ZNF787: variants seen among roughly 807,000 people sequenced by gnomAD.
ZNF787 encodes the protein TTF-I-interacting peptide 20.
Under a neutral mutation model 16.9 loss-of-function variants are expected in ZNF787, and 7 were observed. The observed-to-expected ratio is 0.42, with a 90% CI of 0.24 to 0.78. The LOEUF (loss-of-function observed/expected upper bound fraction) is 0.78. ZNF787 is among the 30% of genes least tolerant of loss of function. The pLI is 0.30. For synonymous variants in ZNF787, 345 were observed against 270.9 expected (o/e 1.27, Z -2.69); for missense variants, 551 against 589.3 (o/e 0.94, Z 0.67).
intron 2 of ZNF787, 111 bp downstream of exon 2, chr19:56,103,028 G>T: frequency 8.0e-7 from 1 of 1,242,374 alleles, no homozygotes; most frequent in Non-Finnish European, 1.2e-6. Flanking sequence ...TGGTCCCAGG[G>T]CCCCAAGAGG....
In ZNF787 at chr19:56,088,412, C is replaced by T. The variant is rs1985430959; in HGVS notation, c.760G>A (p.Ala254Thr). 19 of 1,129,998 alleles carry T rather than the reference C, an allele frequency of 1.7e-5. No individual in the cohort carries two copies. The highest frequency in any genetic ancestry group is 2.1e-5 in the Non-Finnish European group (19 of 923,744). 70.0% of individuals were successfully genotyped at this position (1,129,998 alleles called of 1,614,324 possible). Residue 254 changes from alanine to threonine, a missense_variant, in exon 3 of 3, where the codon GCG becomes ACG. Physicochemically the swap from Ala to Thr is moderately conservative, Grantham distance 58. This residue lies in a region of ZNF787 where 392 missense variants were observed against 312.7 expected (regional missense o/e 1.25). Coordinates refer to ENST00000610935, the MANE Select transcript of ZNF787 (RefSeq NM_001002836.4). The surrounding 1 kb of genome is among the most constrained non-coding windows in gnomAD (Gnocchi z 8.6). ...IVVGAPGEGA[A>T]AAAAMAGAGA... ...GCGCCCGCCATGGCTGCCGCGGCCG[C>T]GGCCCCCTCGCCCGGCGCGCCCACC...
chr19:56,099,728 A>AAAG, intron 2 of ZNF787, among the ~76,000 whole-genome samples: 1 of 147,804 alleles, frequency 6.8e-6, no homozygotes, highest in East Asian at 2.0e-4. Context: ...AAAAAAAAGA[A>AAAG]AAGAGAGAGA....
Position 56,088,336 on chromosome 19 carries a change from G to T in ZNF787, c.836C>A (p.Pro279Gln). The T allele has an allele frequency of 1.4e-5, 17 of 1,222,844 alleles. No homozygotes were observed. Among genetic ancestry groups the T allele is most frequent in the Non-Finnish European group, 1.7e-5 (17 of 977,274 alleles). 75.7% of individuals were successfully genotyped at this position (1,222,844 alleles called of 1,614,324 possible). The change falls in exon 3 of 3, where the codon CCG becomes CAG. Residue 279 changes from proline to glutamine, a missense_variant. Pro to Gln is a moderately conservative substitution (Grantham distance 76). Coordinates refer to ENST00000610935, the MANE Select transcript of ZNF787 (RefSeq NM_001002836.4). The surrounding 1 kb of genome is among the most constrained non-coding windows in gnomAD (Gnocchi z 8.6). Reference sequence around the variant, plus strand: ...CTTCCCGCACTCCAGACACACGTACGGCTTGGGGGCCGGGGCGCGCCGCGA... The same window carrying T: ...CTTCCCGCACTCCAGACACACGTACTGCTTGGGGGCCGGGGCGCGCCGCGA... ...PRSRRAPAPK[P>Q]YVCLECGKGF...
rs1985426570 is a variant in ZNF787, at chr19:56,088,388, C to T, written c.784G>A (p.Ala262Thr). Residue 262 changes from alanine (A) to threonine (T), a missense_variant, in exon 3 of 3, where the codon GCG becomes ACG. By Grantham distance (58) the Ala-to-Thr change is moderately conservative (BLOSUM62 0). Transcript: ENST00000610935. This position sits in a 1 kb window ranked among gnomAD's most constrained non-coding sequence, Gnocchi z 8.6. Reference sequence around the variant, plus strand: ...CGGGGCCCCGCGGCCTTTGCCCCCGCGCCCGCCATGGCTGCCGCGGCCGCG... The same window carrying T: ...CGGGGCCCCGCGGCCTTTGCCCCCGTGCCCGCCATGGCTGCCGCGGCCGCG... ...GAAAAAAMAG[A>T]GAKAAGPRSR... The T allele has an allele frequency of 2.7e-6, 3 of 1,104,800 alleles. No homozygotes were observed. Among genetic ancestry groups the T allele is most frequent in the Non-Finnish European group, 3.3e-6 (3 of 907,026 alleles). 68.4% of individuals were successfully genotyped at this position (1,104,800 alleles called of 1,614,324 possible).
chr19:56,092,444 C>T (rs506986), intron 2 of ZNF787, among the ~76,000 whole-genome samples: 10,368 of 152,198 alleles, frequency 0.068, 372 homozygotes, highest in Non-Finnish European at 0.089. Flanking sequence ...CCTCCTGCCC[C>T]ACCTGCAGCA....
chr19:56,114,954 C>G (rs1272097417), intron 1 of ZNF787, among the ~76,000 whole-genome samples: 1 of 152,172 alleles, frequency 6.6e-6, no homozygotes. Context: ...TTTTCTGTGG[C>G]CACTTCGCTC....
chr19:56,108,699 G>T (rs2029895470), intron 1 of ZNF787, among the ~76,000 whole-genome samples: 2 of 152,096 alleles, frequency 1.3e-5, no homozygotes. Context: ...ACAAAGCACA[G>T]GCTTAAGACC....
At chr19:56,093,685 T>C (rs1985751236) in intron 2 of ZNF787, among the ~76,000 whole-genome samples, 6 of 152,178 alleles carry the variant, frequency 3.9e-5, no homozygotes, top group Admixed American at 3.9e-4. Flanking sequence ...GTCTGTACCC[T>C]TCCCATCTGA....
chr19:56,107,843 C>G (rs1052282860), intron 1 of ZNF787, among the ~76,000 whole-genome samples: 2 of 145,700 alleles, frequency 1.4e-5, no homozygotes, highest in Non-Finnish European at 3.0e-5. Context: ...GCGGGAGAGG[C>G]CGCTCGAAGG....
intron 1 of ZNF787, among the ~76,000 whole-genome samples, chr19:56,112,712 C>G (rs79308809): frequency 0.014 from 2,054 of 152,032 alleles, 46 homozygotes; most frequent in African/African-American, 0.048. Context: ...TTCCTTCCCC[C>G]CAAGTCATCC....
intron 1 of ZNF787, among the ~76,000 whole-genome samples, chr19:56,107,312 C>T (rs1165075404): frequency 6.6e-6 from 1 of 152,146 alleles, no homozygotes; most frequent in East Asian, 1.9e-4. Context: ...TGCCCAGTAC[C>T]ACCCACCACT....
chr19:56,088,191 C>G lies in ZNF787; in HGVS notation c.981G>C (p.Val327=). 2 of 1,542,192 alleles carry G rather than the reference C, an allele frequency of 1.3e-6. No homozygotes were observed. Among genetic ancestry groups the G allele is most frequent in the South Asian group, 1.2e-5 (1 of 85,114 alleles). Residue 327 remains valine, a synonymous_variant, in exon 3 of 3, where the codon GTG becomes GTC. Coordinates refer to ENST00000610935, the MANE Select transcript of ZNF787 (RefSeq NM_001002836.4). This position sits in a 1 kb window ranked among gnomAD's most constrained non-coding sequence, Gnocchi z 8.6. ...TGTGTCTCCGGAGCGCGGCGCCCTG[C>G]ACGAAGCCCTCCCCGCACTCCACGC... is the stretch of plus-strand genomic sequence containing the variant. ...HICVECGEGF[V]QGAALRRHKK... is the part of the protein sequence containing the mutation.
At chr19:56,096,228 T>TAAAAAAATAAAAAAAATAAAAAAATA (rs1390300356) in intron 2 of ZNF787, among the ~76,000 whole-genome samples, 1 of 14,500 alleles carries the variant, frequency 6.9e-5, no homozygotes, top group East Asian at 6.3e-4. Context: ...ACCCCGTCTC[T>TAAAAAAATAAAAAAAATAAAAAAATA]AAAAAAATAA....
rs1322854366 is a variant in ZNF787, at chr19:56,088,604, G to A, written c.568C>T (p.Pro190Ser). ...CPRCGRGFSQPKSLARHLRLH... is the reference protein window; with the variant it reads ...CPRCGRGFSQSKSLARHLRLH... ...CGCAGGTGACGCGCGAGGCTCTTGG[G>A]CTGGCTGAAGCCGCGGCCGCAGCGC... Residue 190 changes from proline to serine, a missense_variant, in exon 3 of 3, where the codon CCC becomes TCC. Coordinates refer to ENST00000610935, the MANE Select transcript of ZNF787 (RefSeq NM_001002836.4). This position sits in a 1 kb window ranked among gnomAD's most constrained non-coding sequence, Gnocchi z 8.6. The A allele has an allele frequency of 2.0e-5, 31 of 1,518,598 alleles. No individual in the cohort carries two copies. The highest frequency in any genetic ancestry group is 2.7e-5 in the Non-Finnish European group (31 of 1,140,168). 94.1% of individuals were successfully genotyped at this position (1,518,598 alleles called of 1,614,324 possible).
chr19:56,107,841 G>C (rs2029878134), intron 1 of ZNF787, among the ~76,000 whole-genome samples: 1 of 150,190 alleles, frequency 6.7e-6, no homozygotes, highest in African/African-American at 2.5e-5. Context: ...CTGCGGGAGA[G>C]GCCGCTCGAA....
chr19:56,088,119 T>C lies in ZNF787; in HGVS notation c.1053A>G (p.Gly351=). The C allele has an allele frequency of 6.5e-7, 1 of 1,543,094 alleles. No individual in the cohort carries two copies. The highest frequency in any genetic ancestry group is 1.9e-5 in the Admixed American group (1 of 53,814). ...CCCCGCCCGCGCGGTAGTAGCTCTG[T>C]CCGCAGCTGCTGCAGACCGAGGGCG... The part of the protein sequence containing the change: ...VGAPSVCSSC[G]QSYYRAGGEE... The change falls in exon 3 of 3, where the codon GGA becomes GGG. Residue 351 remains glycine, a synonymous_variant. Transcript: ENST00000610935. The surrounding 1 kb of genome is among the most constrained non-coding windows in gnomAD (Gnocchi z 8.6).
At position 56,109,890 on chromosome 19, in the gene ZNF787, A is replaced by C. The variant is rs114663925; in HGVS notation, c.-10-6663T>G. 5.2e-3 allele frequency among the ~76,000 whole-genome samples: 785 copies of C among 152,270 alleles called. 7 individuals carry two copies. The highest frequency in any genetic ancestry group is 0.018 in the African/African-American group (736 of 41,538). On this transcript the variant is annotated intron_variant, in intron 1 of 2. Coordinates refer to ENST00000610935, the MANE Select transcript of ZNF787 (RefSeq NM_001002836.4). The stretch of plus-strand genomic sequence containing the variant: ...CAAAGTGAGACTCCGTCTCAAAAAA[A>C]TAAAATAACATTCGTAAGCTTTTCT...
At chr19:56,110,614 G>T (rs999786641) in intron 1 of ZNF787, among the ~76,000 whole-genome samples, 1 of 152,050 alleles carries the variant, frequency 6.6e-6, no homozygotes, top group African/African-American at 2.4e-5. Flanking sequence ...TCCTCTTCTT[G>T]GCTGAAACCT....
chr19:56,091,089 T>C (rs1318251930), intron 2 of ZNF787, among the ~76,000 whole-genome samples: 1 of 152,230 alleles, frequency 6.6e-6, no homozygotes, highest in African/African-American at 2.4e-5. Context: ...TCAAAAAATG[T>C]TGTAAGTTAT....
Sources: allele counts gnomAD v4.1 joint callset (sites outside exome capture counted in the v4.1 genomes callset), GRCh38; gene constraint gnomAD v4.1.1; regional missense constraint gnomAD v4.1.1; non-coding constraint Gnocchi (gnomAD v3.1); transcripts MANE v1.5; gene names NCBI Gene and HGNC (gene_info 2026-07-23, HGNC 2026-07-21).